Variants in PLCB4 observed in about 807,000 individuals in gnomAD.
PLCB4 encodes 1-phosphatidylinositol 4,5-bisphosphate phosphodiesterase beta-4.
Under a neutral mutation model 178.8 loss-of-function variants are expected in PLCB4, and 77 were observed. That is an observed-to-expected ratio of 0.43 (90% confidence interval 0.36 to 0.52). The LOEUF is 0.52. PLCB4 is among the 20% of genes least tolerant of loss of function. PLCB4 has a pLI of 0.00. For missense variants in PLCB4, 1,024 were observed against 1,453.4 expected (o/e 0.70, Z 4.80); for synonymous variants, 496 against 490.8 (o/e 1.01, Z -0.14).
intron 36 of PLCB4, among the ~76,000 whole-genome samples, chr20:9,471,088 A>C (rs2044159940): frequency 6.6e-6 from 1 of 152,222 alleles, no homozygotes; most frequent in Admixed American, 6.5e-5. Context: ...AACAGAAATT[A>C]CCCAATATTT....
chr20:9,361,637 G>C (rs2035340842), intron 7 of PLCB4, among the ~76,000 whole-genome samples: 1 of 149,092 alleles, frequency 6.7e-6, no homozygotes, highest in Non-Finnish European at 1.5e-5. Context: ...GGTGATAAAT[G>C]TTATGTTATG....
intron 2 of PLCB4, among the ~76,000 whole-genome samples, chr20:9,128,372 T>C (rs574553210): frequency 1.3e-5 from 2 of 152,270 alleles, no homozygotes; most frequent in East Asian, 3.9e-4. Flanking sequence ...TTCAGGCATT[T>C]CTTTGTAGAG....
chr20:9,396,654 A>G (rs535974996), intron 19 of PLCB4, among the ~76,000 whole-genome samples: 124 of 152,344 alleles, frequency 8.1e-4, no homozygotes, highest in African/African-American at 2.9e-3. Flanking sequence ...TTGGATTTAT[A>G]TACAGGCATA....
chr20:9,352,722 A>G (rs2034457334), intron 7 of PLCB4, among the ~76,000 whole-genome samples: 1 of 152,220 alleles, frequency 6.6e-6, no homozygotes, highest in Admixed American at 6.5e-5. Context: ...ATACTCATAG[A>G]TGGCAGCTTA....
chr20:9,371,250 G>A lies in PLCB4; in HGVS notation c.540G>A (p.Lys180=). ...TRTFASGKTE[K]VIFQALKELG... The stretch of plus-strand genomic sequence containing the variant: ...CATTTGCATCGGGAAAAACAGAAAA[G>A]GTGATCTTTCAAGCACTCAAGGAGT... Residue 180 remains lysine (K), a synonymous_variant, in exon 10 of 40, where the codon AAG becomes AAA. Coordinates refer to ENST00000378473, the MANE Select transcript of PLCB4 (RefSeq NM_001377142.1). 6.2e-7 allele frequency: 1 copy of A among 1,610,700 alleles called. No homozygotes were observed. The highest frequency in any genetic ancestry group is 8.5e-7 in the Non-Finnish European group (1 of 1,176,946).
At chr20:9,362,125 A>G (rs1019723605) in intron 7 of PLCB4, among the ~76,000 whole-genome samples, 1 of 152,310 alleles carries the variant, frequency 6.6e-6, no homozygotes, top group African/African-American at 2.4e-5. Context: ...TCAATTTGCT[A>G]CGAAGTGTTT....
At chr20:9,204,486 A>G (rs2093591886) in intron 2 of PLCB4, among the ~76,000 whole-genome samples, 1 of 151,932 alleles carries the variant, frequency 6.6e-6, no homozygotes, top group African/African-American at 2.4e-5. Flanking sequence ...CAACCTCTTG[A>G]GTAGCTGGGA....
chr20:9,252,958 C>A (rs1470100014), intron 3 of PLCB4, among the ~76,000 whole-genome samples: 1 of 152,174 alleles, frequency 6.6e-6, no homozygotes, highest in Non-Finnish European at 1.5e-5. Context: ...CACTTACAGA[C>A]AGAAGATTGT....
At position 9,421,925 on chromosome 20, in the gene PLCB4, T is replaced by C. The variant is rs982455013; in HGVS notation, c.2319+464T>C. On this transcript the variant is annotated intron_variant, in intron 27 of 39. Coordinates refer to ENST00000378473, the MANE Select transcript of PLCB4 (RefSeq NM_001377142.1). ...GACACCTGTTGCCTACTTGCAGGTC[T>C]TATCCTTCTTGTACTGTTGTTAGTG... Among the ~76,000 whole-genome samples the C allele has an allele frequency of 2.6e-5, 4 of 152,230 alleles. No individual in the cohort carries two copies. In the South Asian group the frequency reaches 8.3e-4, roughly 31 times the overall value.
chr20:9,365,298 G>A (rs1291862364), intron 8 of PLCB4, among the ~76,000 whole-genome samples, 163 bp from the exon 9 acceptor site: 2 of 152,146 alleles, frequency 1.3e-5, no homozygotes, highest in Admixed American at 6.5e-5. Context: ...ATATATTTAT[G>A]TGCTAAATCT....
intron 32 of PLCB4, among the ~76,000 whole-genome samples, chr20:9,446,426 G>A (rs958178327): frequency 9.2e-5 from 14 of 152,200 alleles, no homozygotes; most frequent in African/African-American, 3.1e-4. Flanking sequence ...TCAGGACTGT[G>A]ACTAAGGAAG....
At chr20:9,377,407 A>T (rs2036766271) in intron 12 of PLCB4, among the ~76,000 whole-genome samples, 2 of 152,140 alleles carry the variant, frequency 1.3e-5, no homozygotes, top group South Asian at 4.1e-4. Flanking sequence ...TTACTGTGAG[A>T]TCAGCTGGAA....
intron 1 of PLCB4, among the ~76,000 whole-genome samples, chr20:9,094,846 C>T (rs941322692): frequency 3.3e-5 from 5 of 152,184 alleles, no homozygotes; most frequent in African/African-American, 4.8e-5. Flanking sequence ...ATCAATCCAT[C>T]GTGGCTTTCT....
At chr20:9,297,542 C>G (rs1383028470) in intron 3 of PLCB4, among the ~76,000 whole-genome samples, 1 of 152,132 alleles carries the variant, frequency 6.6e-6, no homozygotes, top group Non-Finnish European at 1.5e-5. Flanking sequence ...AATATACAAA[C>G]TATCTTCTGT....
At chr20:9,116,483 C>T (rs1223933500) in intron 2 of PLCB4, among the ~76,000 whole-genome samples, 1 of 152,150 alleles carries the variant, frequency 6.6e-6, no homozygotes, top group Admixed American at 6.5e-5. Context: ...AGTTTTGCCT[C>T]ACCTATCCTT....
At chr20:9,155,701 G>T in intron 2 of PLCB4, among the ~76,000 whole-genome samples, 1 of 152,224 alleles carries the variant, frequency 6.6e-6, no homozygotes, top group Admixed American at 6.5e-5. Context: ...ACCACCAGCT[G>T]GTGAATAAGA....
chr20:9,184,082 G>T (rs569606846), intron 2 of PLCB4, among the ~76,000 whole-genome samples: 1 of 152,276 alleles, frequency 6.6e-6, no homozygotes, highest in East Asian at 1.9e-4. Context: ...GCCATTGGAA[G>T]GTACCAGAAG....
intron 3 of PLCB4, among the ~76,000 whole-genome samples, chr20:9,278,957 T>C (rs2094472274): frequency 6.6e-6 from 1 of 152,054 alleles, no homozygotes; most frequent in Non-Finnish European, 1.5e-5. Context: ...CTCATGGAGT[T>C]CCCCACTGAG....
intron 2 of PLCB4, among the ~76,000 whole-genome samples, chr20:9,178,490 A>G (rs1384458961): frequency 6.6e-6 from 1 of 151,878 alleles, no homozygotes; most frequent in Non-Finnish European, 1.5e-5. Flanking sequence ...TGATGGTAAA[A>G]CTTTGTTATT....
Sources: gnomAD v4.1 joint callset for allele counts (sites outside exome capture counted in the v4.1 genomes callset) on GRCh38, gnomAD v4.1.1 for gene constraint, MANE v1.5 for transcripts, NCBI Gene and HGNC (gene_info 2026-07-23, HGNC 2026-07-21) for gene names.